The following PLEKHA5 variants were observed in gnomAD, a reference collection of about 807,000 sequenced individuals.
The protein encoded by PLEKHA5 is pleckstrin homology domain-containing family A member 5.
In PLEKHA5, 55 loss-of-function variants were observed where a neutral mutation model predicts 181.9. The ratio of observed to expected loss-of-function variants is 0.30; its 90% CI spans 0.24 to 0.38. The LOEUF is 0.38. Ranked by LOEUF, PLEKHA5 falls within the 10% of genes least tolerant of loss-of-function variation. The pLI is 1.00. For missense variants in PLEKHA5, 1,432 were observed against 1,549.5 expected (o/e 0.92, Z 1.27); for synonymous variants, 535 against 529.4 (o/e 1.01, Z -0.15).
chr12:19,345,087 C>T (rs2094219849), intron 22 of PLEKHA5, among the ~76,000 whole-genome samples: 1 of 151,214 alleles, frequency 6.6e-6, no homozygotes, highest in African/African-American at 2.4e-5. Context: ...ACCTGGGCAA[C>T]AGAGTGAAAA....
chr12:19,187,232 A>G lies in PLEKHA5; in HGVS notation c.227+54782A>G, dbSNP rs553806970. The stretch of plus-strand genomic sequence containing the variant: ...GGTTTGGATTGCAAAGTGTTTTCCT[A>G]TCTAAATCTAAAATTTCTAGATACA... On this transcript the variant is annotated intron_variant, in intron 3 of 31. Transcript: ENST00000429027. Among the ~76,000 whole-genome samples, 449 of 152,282 alleles carry G rather than the reference A, an allele frequency of 2.9e-3. 1 individual carries two copies. The highest frequency in any genetic ancestry group is 6.8e-3 in the Middle Eastern group (2 of 294).
At position 19,130,915 on chromosome 12, in the gene PLEKHA5, T is replaced by TG. The variant is rs35346069; in HGVS notation, c.169+790dup. ...TGGGCGTGCGAGGGGGTGTCCCGTA[T>TG]GGGGGCACCCGGGCCCTGTTTGGAG... On this transcript the variant is annotated intron_variant, in intron 2 of 31. Transcript: ENST00000429027. This position sits in a 1 kb window ranked among gnomAD's most constrained non-coding sequence, Gnocchi z 4.5. 2 of 152,014 alleles carry TG rather than the reference T, an allele frequency of 1.3e-5. No individual in the cohort carries two copies. The highest frequency in any genetic ancestry group is 4.8e-5 in the African/African-American group (2 of 41,344). The allele number at this position is 152,014 out of a possible 1,614,324, so 9.4% of individuals were successfully genotyped here.
intron 3 of PLEKHA5, among the ~76,000 whole-genome samples, chr12:19,194,118 C>T (rs1048497695): frequency 9.2e-5 from 14 of 152,270 alleles, no homozygotes; most frequent in Non-Finnish European, 1.3e-4. Context: ...TCATGTCAGT[C>T]GCCATTGTCC....
intron 3 of PLEKHA5, among the ~76,000 whole-genome samples, chr12:19,221,672 G>T (rs1207542255): frequency 6.6e-6 from 1 of 152,152 alleles, no homozygotes; most frequent in East Asian, 1.9e-4. Flanking sequence ...TGCAGACTAT[G>T]ACAAAGGAGC....
At chr12:19,344,946 T>C (rs934244517) in intron 22 of PLEKHA5, among the ~76,000 whole-genome samples, 3 of 139,390 alleles carry the variant, frequency 2.2e-5, no homozygotes, top group African/African-American at 8.0e-5. Context: ...CCGGCTCTAC[T>C]GAAAAAAAAA....
chr12:19,164,616 G>A (rs35950383), intron 3 of PLEKHA5, among the ~76,000 whole-genome samples: 13,673 of 152,136 alleles, frequency 0.09, 765 homozygotes, highest in Admixed American at 0.18. Context: ...ACCTGGCTCA[G>A]CACTGCTCTC....
intron 29 of PLEKHA5, among the ~76,000 whole-genome samples, chr12:19,362,422 T>G (rs749874487): frequency 1.3e-5 from 2 of 151,554 alleles, no homozygotes; most frequent in Admixed American, 6.6e-5. Context: ...TGGTCCCAGC[T>G]ACTTGGGAGG....
intron 3 of PLEKHA5, among the ~76,000 whole-genome samples, chr12:19,242,695 T>C (rs747718148): frequency 3.9e-5 from 6 of 152,190 alleles, no homozygotes; most frequent in Non-Finnish European, 8.8e-5. Flanking sequence ...TTCCCCTTAA[T>C]GTTCTTAATG....
intron 15 of PLEKHA5, among the ~76,000 whole-genome samples, chr12:19,304,038 G>A (rs2082389776): frequency 6.6e-6 from 1 of 151,612 alleles, no homozygotes; most frequent in African/African-American, 2.4e-5. Flanking sequence ...TGAACTCCTG[G>A]CCTCAAGTGA....
chr12:19,142,823 T>C (rs1198652478), intron 3 of PLEKHA5, among the ~76,000 whole-genome samples: 1 of 152,196 alleles, frequency 6.6e-6, no homozygotes, highest in African/African-American at 2.4e-5. Context: ...CCCCCATTTC[T>C]ATTCTATTTT....
chr12:19,348,355 A>C, intron 24 of PLEKHA5, 44 bp from the exon 25 acceptor site: 1 of 1,488,700 alleles, frequency 6.7e-7, no homozygotes, highest in Non-Finnish European at 9.1e-7. Flanking sequence ...TTTAAAAGAA[A>C]CTTTTAGCAG....
chr12:19,286,628 C>T (rs546098016), intron 12 of PLEKHA5, among the ~76,000 whole-genome samples: 1 of 152,184 alleles, frequency 6.6e-6, no homozygotes, highest in South Asian at 2.1e-4. Context: ...TAAAGGGATC[C>T]TGAGGTCAAA....
intron 23 of PLEKHA5, 37 bp downstream of exon 23, chr12:19,345,925 T>TA: frequency 1.0e-6 from 1 of 988,352 alleles, no homozygotes; most frequent in Non-Finnish European, 1.6e-6. Flanking sequence ...TAAATTACTT[T>TA]TAATGCTTAA....
chr12:19,264,760 A>C (rs2069735448), intron 7 of PLEKHA5, among the ~76,000 whole-genome samples: 1 of 145,338 alleles, frequency 6.9e-6, no homozygotes, highest in Non-Finnish European at 1.5e-5. Context: ...ATAAAATCCC[A>C]TGTTAAGTTT....
intron 20 of PLEKHA5, 70 bp downstream of exon 20, chr12:19,322,737 T>G: frequency 9.9e-7 from 1 of 1,014,248 alleles, no homozygotes; most frequent in Non-Finnish European, 1.5e-6. Flanking sequence ...TCTCTTTTTT[T>G]TAATACTGGG....
chr12:19,160,398 A>G (rs984154028), intron 3 of PLEKHA5, among the ~76,000 whole-genome samples: 6 of 152,076 alleles, frequency 3.9e-5, no homozygotes, highest in African/African-American at 1.4e-4. Context: ...TTATATTGCA[A>G]CCAAATGGGA....
At chr12:19,221,016 G>A (rs927057795) in intron 3 of PLEKHA5, among the ~76,000 whole-genome samples, 1 of 152,126 alleles carries the variant, frequency 6.6e-6, no homozygotes, top group Non-Finnish European at 1.5e-5. Flanking sequence ...ACCAACTGCT[G>A]GCAAGATTGT....
intron 29 of PLEKHA5, among the ~76,000 whole-genome samples, chr12:19,364,289 A>G (rs913265015): frequency 3.3e-5 from 5 of 151,990 alleles, no homozygotes; most frequent in African/African-American, 4.8e-5. Flanking sequence ...GGGCAGATCA[A>G]TTGAGGTCAG....
chr12:19,291,865 T>C (rs2078542582), intron 15 of PLEKHA5, among the ~76,000 whole-genome samples, 168 bp downstream of exon 15: 1 of 152,180 alleles, frequency 6.6e-6, no homozygotes, highest in Non-Finnish European at 1.5e-5. Flanking sequence ...AATTCCATAA[T>C]AAACAGGGAG....
Sources: gnomAD v4.1 joint callset for allele counts (sites outside exome capture counted in the v4.1 genomes callset) on GRCh38, gnomAD v4.1.1 for gene constraint, Gnocchi (gnomAD v3.1) non-coding constraint, MANE v1.5 for transcripts, NCBI Gene and HGNC (gene_info 2026-07-23, HGNC 2026-07-21) for gene names.